The following DLGAP4 variants were observed in gnomAD, a reference collection of about 807,000 sequenced individuals.
DLGAP4 encodes the protein disks large-associated protein 4.
Under a neutral mutation model 86.9 loss-of-function variants are expected in DLGAP4, and 18 were observed. The observed-to-expected ratio is 0.21, with a 90% CI of 0.14 to 0.31. DLGAP4 has a LOEUF of 0.31. Ranked by LOEUF, DLGAP4 falls within the 10% of genes least tolerant of loss-of-function variation. DLGAP4 has a pLI of 1.00. For missense variants in DLGAP4, 1,085 were observed against 1,362.6 expected (o/e 0.80, Z 3.21); for synonymous variants, 548 against 574.3 (o/e 0.95, Z 0.65).
intron 10 of DLGAP4, among the ~76,000 whole-genome samples, chr20:36,510,618 C>T (rs1372423218): frequency 6.6e-6 from 1 of 151,778 alleles, no homozygotes; most frequent in African/African-American, 2.4e-5. Context: ...ACCGTGTTGG[C>T]CAGGCTGGTT....
chr20:36,427,715 G>T (rs1029556845), intron 2 of DLGAP4, among the ~76,000 whole-genome samples: 4 of 151,988 alleles, frequency 2.6e-5, no homozygotes, highest in African/African-American at 9.7e-5. Context: ...GGCCAAGGTG[G>T]GTGGATCACA....
chr20:36,375,769 G>GT (rs1482823558), intron 2 of DLGAP4, among the ~76,000 whole-genome samples: 2 of 152,192 alleles, frequency 1.3e-5, no homozygotes, highest in African/African-American at 4.8e-5. Context: ...GCAGGAGGGA[G>GT]TGAGGGATGG....
At position 36,330,619 on chromosome 20, in the gene DLGAP4, C is replaced by G. The variant is rs190634427; in HGVS notation, c.-304+24107C>G. ...ACTCCTTTCCCCTCTGTCACCCAGG[C>G]TGGAGTGCAGTGGTGTGATCTCGGC... On this transcript the variant is annotated intron_variant, in intron 1 of 12. Transcript: ENST00000339266. 2.7e-5 allele frequency among the ~76,000 whole-genome samples: 4 copies of G among 149,648 alleles called. No individual in the cohort carries two copies. In the East Asian group the frequency reaches 7.8e-4, roughly 29 times the overall value.
At chr20:36,343,157 A>G (rs2065401036) in intron 1 of DLGAP4, among the ~76,000 whole-genome samples, 1 of 152,108 alleles carries the variant, frequency 6.6e-6, no homozygotes, top group Non-Finnish European at 1.5e-5. Flanking sequence ...ACCGGCTCAC[A>G]TTTTACAAAG....
chr20:36,312,240 T>C (rs2065059502), intron 1 of DLGAP4, among the ~76,000 whole-genome samples: 1 of 152,178 alleles, frequency 6.6e-6, no homozygotes, highest in Non-Finnish European at 1.5e-5. Context: ...CGTGGAGTGA[T>C]ATGGAGTGAC....
chr20:36,426,878 G>T (rs147058153), intron 2 of DLGAP4, among the ~76,000 whole-genome samples: 1 of 151,976 alleles, frequency 6.6e-6, no homozygotes, highest in Admixed American at 6.6e-5. Context: ...TGCTTTTGGG[G>T]TTATGAAAAT....
intron 2 of DLGAP4, among the ~76,000 whole-genome samples, chr20:36,371,456 G>A (rs536163568): frequency 9.2e-5 from 14 of 152,362 alleles, no homozygotes; most frequent in African/African-American, 3.4e-4. Flanking sequence ...TCATGAAGAT[G>A]AACCGGTAGG....
chr20:36,399,633 G>A (rs773928346), intron 2 of DLGAP4, among the ~76,000 whole-genome samples: 7 of 152,234 alleles, frequency 4.6e-5, no homozygotes, highest in Non-Finnish European at 1.0e-4. Flanking sequence ...AGACCCTTCA[G>A]TTAGCTCTGT....
At chr20:36,489,855 C>CTTTT (rs764797081) in intron 7 of DLGAP4, among the ~76,000 whole-genome samples, 243 of 107,868 alleles carry the variant, frequency 2.3e-3, no homozygotes, top group Non-Finnish European at 3.1e-3. Flanking sequence ...GCTAATTCTT[C>CTTTT]TTTTTTTTTT....
At chr20:36,509,712 T>C (rs1600683416) in intron 10 of DLGAP4, among the ~76,000 whole-genome samples, 1 of 152,190 alleles carries the variant, frequency 6.6e-6, no homozygotes, top group East Asian at 1.9e-4. Flanking sequence ...ATTGTGCCAC[T>C]GCACTGCAGC....
rs1361342395 is a variant in DLGAP4 at position 36,525,244 on chromosome 20, AAAAAAAAAAAC to A, written c.2605-603_2605-593del. 1.9e-3 allele frequency among the ~76,000 whole-genome samples: 154 copies of A among 79,970 alleles called. 19 individuals are homozygous for A. The highest frequency in any genetic ancestry group is 3.7e-3 in the South Asian group (9 of 2,426). 52.5% of individuals were successfully genotyped at this position (79,970 alleles called of 152,430 possible). A position where few individuals can be genotyped will look rare whatever the true frequency, so the allele number is the denominator to read the frequency against. ...AAAAAAAAAAAAAAAAAAAAAAAAA[AAAAAAAAAAAC>A]AAAGAAATCCCACTGCTGGGATTGG... On this transcript the variant is annotated intron_variant, in intron 11 of 12. Coordinates refer to ENST00000339266, the MANE Select transcript of DLGAP4 (RefSeq NM_001365621.2).
chr20:36,337,982 G>A (rs2065339282), intron 1 of DLGAP4, among the ~76,000 whole-genome samples: 1 of 152,220 alleles, frequency 6.6e-6, no homozygotes, highest in South Asian at 2.1e-4. Context: ...AGAGGGGAGG[G>A]GAGGGAGGAG....
In DLGAP4 at chr20:36,500,170, T is replaced by TCCCCCCCCCCCCCCC; in HGVS notation, c.2100-25_2100-24insCCCCCCCCCCCCCCC. Reference sequence around the variant, plus strand: ...CCTCTTGGTGACTCACTCCTTCCTGTCCCCACCCCATCCACCCCCTACCCA... The same window carrying TCCCCCCCCCCCCCCC: ...CCTCTTGGTGACTCACTCCTTCCTGTCCCCCCCCCCCCCCCCCCCACCCCATCCACCCCCTACCCA... On this transcript the variant is annotated intron_variant, in intron 9 of 12. Transcript: ENST00000339266. The surrounding 1 kb of genome is among the most constrained non-coding windows in gnomAD (Gnocchi z 4.6). The TCCCCCCCCCCCCCCC allele has an allele frequency of 6.6e-7, 1 of 1,515,770 alleles. No individual in the cohort carries two copies. Among genetic ancestry groups the TCCCCCCCCCCCCCCC allele is most frequent in the Non-Finnish European group, 8.8e-7 (1 of 1,130,002 alleles). The allele number at this position is 1,515,770 out of a possible 1,614,324, so 93.9% of individuals were successfully genotyped here. A position where few individuals can be genotyped will look rare whatever the true frequency, so the allele number is the denominator to read the frequency against.
At chr20:36,497,539 C>T (rs1444456312) in intron 8 of DLGAP4, 6 of 991,318 alleles carry the variant, frequency 6.1e-6, no homozygotes, top group Non-Finnish European at 7.2e-6. Flanking sequence ...GACCCAGGGC[C>T]CTTGAGCCAT....
chr20:36,508,584 G>A lies in DLGAP4; in HGVS notation c.2512+7973G>A, dbSNP rs970789263. ...TGGGATTACAGGCATGTGCCACCACGCCCAGCTAATTTTTTGTATTTTTAG... is the reference window on the plus strand; with the variant it reads ...TGGGATTACAGGCATGTGCCACCACACCCAGCTAATTTTTTGTATTTTTAG... On this transcript the variant is annotated intron_variant, in intron 10 of 12. Coordinates refer to ENST00000339266, the MANE Select transcript of DLGAP4 (RefSeq NM_001365621.2). Among the ~76,000 whole-genome samples the A allele has an allele frequency of 1.3e-4, 20 of 152,094 alleles. 1 individual carries two copies. Among genetic ancestry groups the A allele is most frequent in the Middle Eastern group, 3.4e-3 (1 of 294 alleles).
Position 36,526,986 on chromosome 20 carries a change from A to G in DLGAP4, c.2934A>G (p.Ala978=). 1 of 1,612,296 alleles carries G rather than the reference A, an allele frequency of 6.2e-7. No individual in the cohort carries two copies. The highest frequency in any genetic ancestry group is 1.7e-4 in the Middle Eastern group (1 of 6,046). Reference sequence around the variant, plus strand: ...GGCAGAACTCAGCCACCGAGAGCGCAGACAGCATCGAGATTTATGTCCCGG... The same window carrying G: ...GGCAGAACTCAGCCACCGAGAGCGCGGACAGCATCGAGATTTATGTCCCGG... ...SVRQNSATES[A]DSIEIYVPEA... is the part of the protein sequence containing the mutation. The change falls in exon 13 of 13, where the codon GCA becomes GCG. Residue 978 remains alanine (A), a synonymous_variant. Coordinates refer to ENST00000339266, the MANE Select transcript of DLGAP4 (RefSeq NM_001365621.2).
intron 1 of DLGAP4, among the ~76,000 whole-genome samples, chr20:36,358,210 G>C (rs1443624542): frequency 6.6e-6 from 1 of 152,216 alleles, no homozygotes; most frequent in African/African-American, 2.4e-5. Flanking sequence ...AGTGAGGCAC[G>C]CATGAGACAG....
chr20:36,411,876 C>A (rs765416744), intron 2 of DLGAP4, among the ~76,000 whole-genome samples: 4 of 152,180 alleles, frequency 2.6e-5, no homozygotes, highest in Admixed American at 6.5e-5. Context: ...TTCCCTGTAC[C>A]TTTGTCTGTG....
chr20:36,427,939 G>A (rs538682956), intron 2 of DLGAP4, among the ~76,000 whole-genome samples: 7 of 151,840 alleles, frequency 4.6e-5, no homozygotes, highest in South Asian at 2.1e-4. Context: ...GCAAGACTCC[G>A]TGTCAAAAAA....
Sources: allele counts gnomAD v4.1 joint callset (sites outside exome capture counted in the v4.1 genomes callset), GRCh38; gene constraint gnomAD v4.1.1; non-coding constraint Gnocchi (gnomAD v3.1); transcripts MANE v1.5; gene names NCBI Gene and HGNC (gene_info 2026-07-23, HGNC 2026-07-21).